The following PDE4A variants were observed in gnomAD, a reference collection of about 807,000 sequenced individuals.
PDE4A encodes the protein phosphodiesterase 4A.
PDE4A carries 21 observed loss-of-function variants against 73.9 expected under a neutral mutation model. The ratio of observed to expected loss-of-function variants is 0.28; its 90% CI spans 0.20 to 0.41. PDE4A has a LOEUF of 0.41. Ranked by LOEUF, PDE4A falls within the 10% of genes least tolerant of loss-of-function variation. PDE4A has a pLI of 1.00. For synonymous variants in PDE4A, 463 were observed against 505.4 expected (o/e 0.92, Z 1.13); for missense variants, 958 against 1,211.4 (o/e 0.79, Z 3.10).
intron 1 of PDE4A, among the ~76,000 whole-genome samples, chr19:10,441,884 T>G (rs574736318): frequency 2.4e-4 from 36 of 151,610 alleles, no homozygotes; most frequent in African/African-American, 8.7e-4. Flanking sequence ...GAGACGGGGT[T>G]TCACCATGTT....
In PDE4A at chr19:10,453,694, C is replaced by T. The variant is rs2145555402; in HGVS notation, c.784-1135C>T. Among the ~76,000 whole-genome samples the T allele has an allele frequency of 6.6e-6, 1 of 152,230 alleles. No homozygotes were observed. The highest frequency in any genetic ancestry group is 2.4e-5 in the African/African-American group (1 of 41,528). Reference sequence around the variant, plus strand: ...TTGGGTTGTGTGTCTGAGCCCAGAGCTGCCTGATATTTTGGGGACATGTGA... The same window carrying T: ...TTGGGTTGTGTGTCTGAGCCCAGAGTTGCCTGATATTTTGGGGACATGTGA... On this transcript the variant is annotated intron_variant, in intron 6 of 14. Coordinates refer to ENST00000380702, the MANE Select transcript of PDE4A (RefSeq NM_001111307.2). This position sits in a 1 kb window ranked among gnomAD's most constrained non-coding sequence, Gnocchi z 4.6.
chr19:10,422,704 C>T (rs539635620), intron 1 of PDE4A, among the ~76,000 whole-genome samples: 35 of 152,278 alleles, frequency 2.3e-4, no homozygotes, highest in South Asian at 4.1e-4. Context: ...CCCCAGTCCC[C>T]CTGCACCCTT....
At chr19:10,439,480 C>A (rs988050066) in intron 1 of PDE4A, among the ~76,000 whole-genome samples, 5 of 152,124 alleles carry the variant, frequency 3.3e-5, no homozygotes, top group African/African-American at 1.2e-4. Context: ...CCGCACCTGG[C>A]CTACAAACAT....
intron 13 of PDE4A, among the ~76,000 whole-genome samples, chr19:10,462,537 G>T (rs1373639075): frequency 1.3e-5 from 2 of 152,018 alleles, no homozygotes; most frequent in African/African-American, 4.8e-5. Context: ...ACCCAGTCTG[G>T]TCTCAAACTC....
rs768655063 is a variant in PDE4A, at chr19:10,457,885, A to G, written c.884A>G (p.Gln295Arg). Residue 295 changes from glutamine (Q) to arginine (R), a missense_variant, in exon 8 of 15, where the codon CAG (glutamine) becomes CGG (arginine). Coordinates refer to ENST00000380702, the MANE Select transcript of PDE4A (RefSeq NM_001111307.2). ...EYISTTFLDK[Q>R]NEVEIPSPTM... Reference sequence around the variant, plus strand: ...TGCTCCCCATCTTCTGCAGACAAACAGAATGAAGTGGAGATCCCATCACCC... The same window carrying G: ...TGCTCCCCATCTTCTGCAGACAAACGGAATGAAGTGGAGATCCCATCACCC... 3.1e-6 allele frequency: 5 copies of G among 1,612,180 alleles called. No individual in the cohort carries two copies. The South Asian group carries it at 5.5e-5, about 18-fold the overall frequency.
upstream of PDE4A, chr19:10,416,982 G>A (rs778400597): frequency 3.2e-6 from 5 of 1,540,948 alleles, no homozygotes; most frequent in Admixed American, 1.9e-5. Flanking sequence ...GGCAGGGACC[G>A]GGGACGAGGT....
intron 1 of PDE4A, among the ~76,000 whole-genome samples, chr19:10,441,346 C>T (rs1380162962): frequency 1.3e-5 from 2 of 152,000 alleles, no homozygotes; most frequent in African/African-American, 2.4e-5. Context: ...GGGCTGGTCT[C>T]GAACTCCTGA....
At chr19:10,437,401 C>A (rs939521931) in intron 1 of PDE4A, among the ~76,000 whole-genome samples, 1 of 151,820 alleles carries the variant, frequency 6.6e-6, no homozygotes, top group African/African-American at 2.4e-5. Context: ...GGATTACAGG[C>A]GTAAGCCACC....
intron 1 of PDE4A, among the ~76,000 whole-genome samples, chr19:10,441,272 G>A (rs1460719889): frequency 6.6e-6 from 1 of 152,020 alleles, no homozygotes; most frequent in African/African-American, 2.4e-5. Flanking sequence ...GGGACTATAG[G>A]TGCACACCAC....
chr19:10,432,410 G>T (rs375116360), intron 1 of PDE4A: 17 of 1,387,188 alleles, frequency 1.2e-5, no homozygotes, highest in East Asian at 9.3e-5. Flanking sequence ...CCCCATGCGC[G>T]CCCCGACGAC....
intron 1 of PDE4A, among the ~76,000 whole-genome samples, chr19:10,433,953 G>A (rs952990272): frequency 1.3e-5 from 2 of 152,278 alleles, no homozygotes; most frequent in South Asian, 2.1e-4. Context: ...ATTCTAGGCC[G>A]GGCGTGGTGG....
rs987660375 is a variant in PDE4A at position 10,442,502 on chromosome 19, C to T, written c.321-3716C>T. On this transcript the variant is annotated intron_variant, in intron 1 of 14. Transcript: ENST00000380702. ...TCGCGCCACTGCACTCCAGACTGGG[C>T]GACAGAGTGAAATCCTGTCTCAAAA... Among the ~76,000 whole-genome samples, 6 of 151,916 alleles carry T rather than the reference C, an allele frequency of 3.9e-5. No homozygotes were observed. In the South Asian group the frequency reaches 6.3e-4, roughly 16 times the overall value.
At chr19:10,463,255 A>G (rs770558099) in intron 13 of PDE4A, among the ~76,000 whole-genome samples, 16 of 151,128 alleles carry the variant, frequency 1.1e-4, no homozygotes, top group Middle Eastern at 3.2e-3. Flanking sequence ...AGACCTGGCT[A>G]ATTTTTGTAT....
chr19:10,447,217 C>CTTTTT (rs34169084), intron 2 of PDE4A, among the ~76,000 whole-genome samples: 5 of 59,200 alleles, frequency 8.4e-5, no homozygotes, highest in Non-Finnish European at 1.2e-4. Context: ...CTTTTTTTCT[C>CTTTTT]TTTTTTTTTT....
intron 10 of PDE4A, among the ~76,000 whole-genome samples, chr19:10,460,507 T>A (rs1025899161): frequency 3.4e-4 from 51 of 148,230 alleles, no homozygotes; most frequent in Admixed American, 2.0e-3. Flanking sequence ...TCAAAAAAAA[T>A]AAAATAAAAA....
intron 1 of PDE4A, among the ~76,000 whole-genome samples, chr19:10,437,456 A>G (rs950112662): frequency 2.0e-5 from 3 of 151,578 alleles, no homozygotes; most frequent in Admixed American, 2.0e-4. Flanking sequence ...GTCTCACTGT[A>G]TCACCCAGTC....
chr19:10,433,907 C>T (rs1467944059), intron 1 of PDE4A, among the ~76,000 whole-genome samples: 1 of 151,814 alleles, frequency 6.6e-6, no homozygotes, highest in African/African-American at 2.4e-5. Flanking sequence ...ACACTCGTCG[C>T]AGCTTTGTAG....
At chr19:10,432,456 C>A (rs1183420476) in intron 1 of PDE4A, 1 of 1,486,720 alleles carries the variant, frequency 6.7e-7, no homozygotes, top group Non-Finnish European at 8.9e-7. Flanking sequence ...TGCAGCGCCC[C>A]GGGCCCGGCC....
At position 10,421,469 on chromosome 19, in the gene PDE4A, G is replaced by A. The variant is rs1029067702; in HGVS notation, c.320+385G>A. On this transcript the variant is annotated intron_variant, in intron 1 of 14. Coordinates refer to ENST00000380702, the MANE Select transcript of PDE4A (RefSeq NM_001111307.2). ...GAGGGCTAGATTCGCAGTGTTTGGGGTACTCTTGGAGCACTCCATAAGGGG... is the reference window on the plus strand; with the variant it reads ...GAGGGCTAGATTCGCAGTGTTTGGGATACTCTTGGAGCACTCCATAAGGGG... 4.3e-6 allele frequency: 2 copies of A among 461,062 alleles called. 1 individual carries two copies. The highest frequency in any genetic ancestry group is 5.7e-6 in the Non-Finnish European group (2 of 350,724). 28.6% of individuals were successfully genotyped at this position (461,062 alleles called of 1,614,324 possible).
Sources: gnomAD v4.1 joint callset for allele counts (sites outside exome capture counted in the v4.1 genomes callset) on GRCh38, gnomAD v4.1.1 for gene constraint, Gnocchi (gnomAD v3.1) non-coding constraint, MANE v1.5 for transcripts, NCBI Gene and HGNC (gene_info 2026-07-23, HGNC 2026-07-21) for gene names.